Variants in RNF11 observed in about 807,000 individuals in gnomAD.
RNF11 encodes ring finger protein 11.
In RNF11, 4 loss-of-function variants were observed where a neutral mutation model predicts 15.8. The observed-to-expected ratio is 0.25, with a 90% CI of 0.12 to 0.58. RNF11 has a LOEUF of 0.58. Among genes scored for constraint, RNF11 ranks in the 20% least tolerant of loss-of-function variants. The probability of loss-of-function intolerance (pLI) is 0.91; values close to 1 mark genes in which losing one functional copy is unlikely to be tolerated. For missense variants in RNF11, 139 were observed against 194.4 expected (o/e 0.71, Z 1.70); for synonymous variants, 68 against 72.3 (o/e 0.94, Z 0.30).
chr1:51,270,262 A>AT (rs981613394), intron 2 of RNF11, 137 bp downstream of exon 2: 4 of 647,038 alleles, frequency 6.2e-6, no homozygotes, highest in African/African-American at 1.9e-5. Flanking sequence ...AGAATGTTTA[A>AT]TTTTTTTTCA....
intron 2 of RNF11, among the ~76,000 whole-genome samples, chr1:51,270,623 G>A (rs532843718): frequency 6.6e-6 from 1 of 152,296 alleles, no homozygotes; most frequent in African/African-American, 2.4e-5. Context: ...CAGTAAGTAG[G>A]CTGAAGTTAG....
At chr1:51,252,838 T>TG (rs1249903659) in intron 1 of RNF11, among the ~76,000 whole-genome samples, 2 of 151,380 alleles carry the variant, frequency 1.3e-5, no homozygotes, top group Non-Finnish European at 3.0e-5. Context: ...TGTGTGTGTT[T>TG]GGGGGGGACA....
In RNF11 at chr1:51,272,542, C is replaced by T. The variant is rs1646984150; in HGVS notation, c.*1220C>T. ...TGTGATCTCAAAAAAGAAGGAATTTCTCCTTTGTTTCTTGCAGTTAATGTA... is the reference window on the plus strand; with the variant it reads ...TGTGATCTCAAAAAAGAAGGAATTTTTCCTTTGTTTCTTGCAGTTAATGTA... On this transcript the variant is annotated 3_prime_UTR_variant, in exon 3 of 3. Coordinates refer to ENST00000242719, the MANE Select transcript of RNF11 (RefSeq NM_014372.5). The T allele has an allele frequency of 6.6e-6, 1 of 152,600 alleles. No homozygotes were observed. The highest frequency in any genetic ancestry group is 2.4e-5 in the African/African-American group (1 of 41,462). The allele number at this position is 152,600 out of a possible 1,614,324, so 9.5% of individuals were successfully genotyped here.
rs552821478 is a variant in RNF11, at chr1:51,251,103, G to A, written c.123+14224G>A. On this transcript the variant is annotated intron_variant, in intron 1 of 2. Coordinates refer to ENST00000242719, the MANE Select transcript of RNF11 (RefSeq NM_014372.5). ...ATTGTAGTCCCCGATAGCAACAAACGCCTTGAACCTGGTGCGCTGGCCAGC... is the reference window on the plus strand; with the variant it reads ...ATTGTAGTCCCCGATAGCAACAAACACCTTGAACCTGGTGCGCTGGCCAGC... The A allele has an allele frequency of 3.7e-4, 575 of 1,548,210 alleles. 5 individuals are homozygous for A. The South Asian group carries it at 5.1e-3, about 14-fold the overall frequency.
chr1:51,252,805 TTGTGTG>T (rs145075866), intron 1 of RNF11, among the ~76,000 whole-genome samples: 230 of 144,022 alleles, frequency 1.6e-3, no homozygotes, highest in South Asian at 4.5e-3. Flanking sequence ...TTTGTCCAGT[TTGTGTG>T]TGTGTGTGTG....
intron 1 of RNF11, among the ~76,000 whole-genome samples, chr1:51,248,432 C>G (rs750151268): frequency 6.6e-6 from 1 of 152,040 alleles, no homozygotes; most frequent in South Asian, 2.1e-4. Context: ...GAACTCCCGA[C>G]CTCAGGTGAT....
At chr1:51,248,535 T>C (rs1021769993) in intron 1 of RNF11, among the ~76,000 whole-genome samples, 1 of 152,182 alleles carries the variant, frequency 6.6e-6, no homozygotes, top group African/African-American at 2.4e-5. Flanking sequence ...AAGTATGTTT[T>C]AAGCTCAACG....
chr1:51,271,353 C>T lies in RNF11; in HGVS notation c.*31C>T. ...GGTCTCTTATCTGACTTCAAGTGAA[C>T]CACCATTTTGGTGGTTTTGATCTTT... On this transcript the variant is annotated 3_prime_UTR_variant, in exon 3 of 3. Coordinates refer to ENST00000242719, the MANE Select transcript of RNF11 (RefSeq NM_014372.5). 6.4e-7 allele frequency: 1 copy of T among 1,570,914 alleles called. No homozygotes were observed. Among genetic ancestry groups the T allele is most frequent in the Non-Finnish European group, 8.7e-7 (1 of 1,149,930 alleles).
chr1:51,256,922 C>T (rs868748366), intron 1 of RNF11, among the ~76,000 whole-genome samples: 18 of 152,202 alleles, frequency 1.2e-4, no homozygotes, highest in Non-Finnish European at 2.2e-4. Flanking sequence ...GATCCTCCCG[C>T]CTTGGCTTTC....
At chr1:51,242,596 T>G (rs1569652950) in intron 1 of RNF11, among the ~76,000 whole-genome samples, 2 of 152,318 alleles carry the variant, frequency 1.3e-5, no homozygotes, top group Admixed American at 1.3e-4. Context: ...GTACTGCTTA[T>G]TTTTAAGCAT....
intron 1 of RNF11, among the ~76,000 whole-genome samples, chr1:51,239,599 CATCCAGGTTAGACTGG>C (rs1041708229): frequency 3.9e-5 from 6 of 152,166 alleles, no homozygotes; most frequent in Admixed American, 3.9e-4. Flanking sequence ...CTCCCTCTGT[CATCCAGGTTAGACTGG>C]ATTGCTCACT....
At chr1:51,252,116 A>G (rs533193400) in intron 1 of RNF11, among the ~76,000 whole-genome samples, 25 of 151,778 alleles carry the variant, frequency 1.6e-4, no homozygotes, top group African/African-American at 6.0e-4. Flanking sequence ...ACAGAAAAAG[A>G]AAATACAGTA....
At chr1:51,246,727 T>C (rs980692995) in intron 1 of RNF11, among the ~76,000 whole-genome samples, 8 of 152,190 alleles carry the variant, frequency 5.3e-5, no homozygotes, top group African/African-American at 1.9e-4. Flanking sequence ...TGGAGAGTTA[T>C]TGTTTAGTGG....
intron 1 of RNF11, among the ~76,000 whole-genome samples, chr1:51,246,215 A>T (rs906305886): frequency 6.6e-6 from 1 of 152,038 alleles, no homozygotes; most frequent in African/African-American, 2.4e-5. Flanking sequence ...TGTTGAGGCT[A>T]GGTTGCGCTG....
At chr1:51,242,625 G>A (rs1646835417) in intron 1 of RNF11, among the ~76,000 whole-genome samples, 1 of 152,050 alleles carries the variant, frequency 6.6e-6, no homozygotes, top group African/African-American at 2.4e-5. Flanking sequence ...ATAATGTTTT[G>A]TGGGGGATGG....
chr1:51,251,022 C>G (rs1460642869), intron 1 of RNF11: 2 of 1,474,060 alleles, frequency 1.4e-6, no homozygotes, highest in Non-Finnish European at 1.9e-6. Flanking sequence ...GATGATGGCC[C>G]CATGGATGGC....
At chr1:51,248,355 C>T (rs1227095733) in intron 1 of RNF11, among the ~76,000 whole-genome samples, 3 of 151,746 alleles carry the variant, frequency 2.0e-5, no homozygotes, top group Middle Eastern at 3.2e-3. Flanking sequence ...TTATAGGCGG[C>T]GCCACCATGC....
At chr1:51,257,438 T>C (rs543412722) in intron 1 of RNF11, among the ~76,000 whole-genome samples, 1 of 151,784 alleles carries the variant, frequency 6.6e-6, no homozygotes, top group East Asian at 2.1e-4. Context: ...ATTTTCTTTA[T>C]TTTTTATTTA....
chr1:51,260,690 T>TC (rs1332435280), intron 1 of RNF11, among the ~76,000 whole-genome samples: 2 of 152,186 alleles, frequency 1.3e-5, no homozygotes, highest in African/African-American at 4.8e-5. Context: ...GATTTTTTTT[T>TC]CCTCATTGTC....
Sources: gnomAD v4.1 joint callset for allele counts (sites outside exome capture counted in the v4.1 genomes callset) on GRCh38, gnomAD v4.1.1 for gene constraint, MANE v1.5 for transcripts, NCBI Gene and HGNC (gene_info 2026-07-23, HGNC 2026-07-21) for gene names.